Variants in IL12A observed in about 807,000 individuals in gnomAD.
The protein encoded by IL12A is interleukin 12A, also known as interleukin-12 subunit alpha.
A neutral mutation model predicts 23.5 loss-of-function variants in IL12A; 16 were observed. The ratio of observed to expected loss-of-function variants is 0.68; its 90% confidence interval spans 0.46 to 1.03. IL12A has a LOEUF of 1.03. IL12A is among the 50% of genes least tolerant of loss of function. IL12A has a pLI of 0.00. For missense variants in IL12A, 275 were observed against 307.0 expected, an observed-to-expected ratio of 0.90 and a Z score of 0.78; for synonymous variants, 106 against 111.5, an observed-to-expected ratio of 0.95 and a Z score of 0.31.
intron 1 of IL12A, 85 bp from the exon 2 acceptor site, chr3:159,990,082 G>T: frequency 7.2e-7 from 1 of 1,394,226 alleles, no homozygotes. Flanking sequence ...ATGAATGGAT[G>T]GGTGAAGGTG....
At chr3:159,990,386 G>A (rs1720260176) in intron 2 of IL12A, 74 bp downstream of exon 2, 1 of 1,447,254 alleles carries the variant, frequency 6.9e-7, no homozygotes, top group Admixed American at 1.9e-5. Context: ...CTCCCCTCTG[G>A]TACCTGATGG....
rs966445174 is a variant in IL12A at position 159,989,144 on chromosome 3, C to T, written c.88C>T (p.Gln30Ter). 6.2e-7 allele frequency: 1 copy of T among 1,612,104 alleles called. No homozygotes were observed. Among genetic ancestry groups the T allele is most frequent in the Non-Finnish European group, 8.5e-7 (1 of 1,179,562 alleles). Reference sequence around the variant, plus strand: ...TCCAGCGGCTCGCCCTGTGTCCCTGCAGTGCCGGCTCAGCATGTGTCCAGC... The same window carrying T: ...TCCAGCGGCTCGCCCTGTGTCCCTGTAGTGCCGGCTCAGCATGTGTCCAGC... Residue 30 changes from glutamine to a stop codon, truncating the protein, a stop_gained, in exon 1 of 7, where the codon CAG becomes TAG. An upstream open reading frame in the 5' UTR gains an earlier in-frame stop. Coordinates refer to ENST00000305579, the MANE Select transcript of IL12A (RefSeq NM_000882.4). LOFTEE classifies it high-confidence loss of function.
chr3:159,989,231 T>G, intron 1 of IL12A, 57 bp downstream of exon 1: 2 of 1,339,844 alleles, frequency 1.5e-6, no homozygotes, highest in Non-Finnish European at 2.1e-6. Context: ...GGCGGCTGCT[T>G]GGGAAGAGTG....
In IL12A at chr3:159,990,318, C is replaced by A; in HGVS notation, c.264+6C>A. ...TCAGCAACATGCTCCAGAAGGTGAG[C>A]CTTTCCTGTCCTCTCCACTGTGGAC... is the stretch of plus-strand genomic sequence containing the variant. On this transcript the variant is annotated splice_donor_region_variant and intron_variant, in intron 2 of 6. Coordinates refer to ENST00000305579, the MANE Select transcript of IL12A (RefSeq NM_000882.4). 1 of 1,613,860 alleles carries A rather than the reference C, an allele frequency of 6.2e-7. No homozygotes were observed. The highest frequency in any genetic ancestry group is 1.1e-5 in the South Asian group (1 of 91,028).
At position 159,989,134 on chromosome 3, in the gene IL12A, T is replaced by A. The variant is rs144529637; in HGVS notation, c.78T>A (p.Pro26=). ...CAGGTCTGCATCCAGCGGCTCGCCCTGTGTCCCTGCAGTGCCGGCTCAGCA... is the reference window on the plus strand; with the variant it reads ...CAGGTCTGCATCCAGCGGCTCGCCCAGTGTCCCTGCAGTGCCGGCTCAGCA... The change falls in exon 1 of 7, where the codon CCT becomes CCA. Residue 26 remains proline, a synonymous_variant. Transcript: ENST00000305579. The A allele has an allele frequency of 8.7e-6, 14 of 1,611,972 alleles. No individual in the cohort carries two copies. Among genetic ancestry groups the A allele is most frequent in the East Asian group, 4.5e-5 (2 of 44,814 alleles).
At chr3:159,994,197 T>C (rs1720415999) in intron 6 of IL12A, 1 of 194,368 alleles carries the variant, frequency 5.1e-6, no homozygotes, top group African/African-American at 2.3e-5. Context: ...CCTCTTAAAA[T>C]CCTTCAAGAG....
chr3:159,993,013 CCAGA>C lies in IL12A; in HGVS notation c.269_272del (p.Arg90LysfsTer3), dbSNP rs1720370456. The C allele has an allele frequency of 2.6e-6, 4 of 1,553,756 alleles. No individual in the cohort carries two copies. The highest frequency in any genetic ancestry group is 3.6e-6 in the Non-Finnish European group (4 of 1,126,432). On this transcript the variant is annotated frameshift_variant and splice_region_variant, in exon 3 of 7. Coordinates refer to ENST00000305579, the MANE Select transcript of IL12A (RefSeq NM_000882.4). LOFTEE classifies it high-confidence loss of function. Reference sequence around the variant, plus strand: ...GAGTTTCTCCTTCATTTTTTATAGGCCAGACAAACTCTAGAATTTTACCCTTGCA... The same window carrying C: ...GAGTTTCTCCTTCATTTTTTATAGGCCAAACTCTAGAATTTTACCCTTGCA...
intron 6 of IL12A, among the ~76,000 whole-genome samples, chr3:159,994,582 G>A (rs1720431778): frequency 8.9e-6 from 1 of 112,146 alleles, no homozygotes; most frequent in Admixed American, 8.7e-5. Context: ...TTCTTTTCGT[G>A]TGTGTGTGTG....
rs375410584 is a variant in IL12A at position 159,988,962 on chromosome 3, C to A, written c.-95C>A. On this transcript the variant is annotated 5_prime_UTR_variant, in exon 1 of 7. Transcript: ENST00000305579. ...GGGCCGGCCGCACCGCACGTGTCAC[C>A]GAGAAGCTGATGTAGAGAGAGACAC... 2.8e-6 allele frequency: 3 copies of A among 1,068,574 alleles called. No homozygotes were observed. The highest frequency in any genetic ancestry group is 2.8e-6 in the Non-Finnish European group (2 of 701,906). 66.2% of individuals were successfully genotyped at this position (1,068,574 alleles called of 1,614,324 possible).
At chr3:159,989,643 T>C (rs1403512897) in intron 1 of IL12A, among the ~76,000 whole-genome samples, 1 of 152,028 alleles carries the variant, frequency 6.6e-6, no homozygotes, top group Non-Finnish European at 1.5e-5. Context: ...ATTAGCCGAG[T>C]GTGGTGGTGG....
intron 1 of IL12A, 157 bp downstream of exon 1, chr3:159,989,331 C>A: frequency 1.6e-6 from 1 of 627,770 alleles, no homozygotes; most frequent in Non-Finnish European, 2.8e-6. Flanking sequence ...TCACCGTGTG[C>A]TAAATAGGGC....
chr3:159,989,635 T>C (rs1337178781), intron 1 of IL12A, among the ~76,000 whole-genome samples: 1 of 152,062 alleles, frequency 6.6e-6, no homozygotes, highest in Admixed American at 6.5e-5. Flanking sequence ...ATACACAAAT[T>C]AGCCGAGTGT....
At chr3:159,994,860 T>G (rs909531114) in intron 6 of IL12A, among the ~76,000 whole-genome samples, 1 of 152,178 alleles carries the variant, frequency 6.6e-6, no homozygotes, top group Non-Finnish European at 1.5e-5. Context: ...AGACTTTTTG[T>G]GAGGAAGATA....
Position 159,988,952 on chromosome 3 carries a change from C to T in IL12A, c.-105C>T. 1.0e-6 allele frequency: 1 copy of T among 980,968 alleles called. No individual in the cohort carries two copies. Among genetic ancestry groups the T allele is most frequent in the South Asian group, 1.4e-5 (1 of 73,832 alleles). 60.8% of individuals were successfully genotyped at this position (980,968 alleles called of 1,614,324 possible). A position where few individuals can be genotyped will look rare whatever the true frequency, so the allele number is the denominator to read the frequency against. On this transcript the variant is annotated 5_prime_UTR_variant, in exon 1 of 7. Transcript: ENST00000305579. ...CAAGCCCCGCGGGCCGGCCGCACCGCACGTGTCACCGAGAAGCTGATGTAG... is the reference window on the plus strand; with the variant it reads ...CAAGCCCCGCGGGCCGGCCGCACCGTACGTGTCACCGAGAAGCTGATGTAG...
At chr3:159,989,281 C>T in intron 1 of IL12A, 107 bp downstream of exon 1, 2 of 811,782 alleles carry the variant, frequency 2.5e-6, no homozygotes, top group South Asian at 3.0e-5. Flanking sequence ...ACTGGAACAG[C>T]AGCAGCCGTC....
rs372252038 is a variant in IL12A, at chr3:159,993,121, C to T, written c.374C>T (p.Thr125Ile). ...GAGGCCTGTTTACCATTGGAATTAA[C>T]CAAGGTATAAAGGATTTTCCTCCCA... Residue 125 changes from threonine to isoleucine, a missense_variant, in exon 3 of 7, where the codon ACC becomes ATC. By Grantham distance (89) the Thr-to-Ile change is moderately conservative (BLOSUM62 -1). Coordinates refer to ENST00000305579, the MANE Select transcript of IL12A (RefSeq NM_000882.4). 5 of 1,523,176 alleles carry T rather than the reference C, an allele frequency of 3.3e-6. No homozygotes were observed. The African/African-American group carries it at 5.5e-5, about 17-fold the overall frequency. The allele number at this position is 1,523,176 out of a possible 1,614,324, so 94.4% of individuals were successfully genotyped here. A position where few individuals can be genotyped will look rare whatever the true frequency, so the allele number is the denominator to read the frequency against.
chr3:159,990,393 A>G (rs1386876895), intron 2 of IL12A, 81 bp downstream of exon 2: 10 of 1,392,696 alleles, frequency 7.2e-6, no homozygotes, highest in Admixed American at 2.0e-5. Flanking sequence ...CTGGTACCTG[A>G]TGGAACTGCA....
rs1345333161 is a variant in IL12A, at chr3:159,993,757, G to C, written c.519G>C (p.Lys173Asn). The change falls in exon 6 of 7, where the codon AAG becomes AAC. Residue 173 changes from lysine (K) to asparagine (N), a missense_variant. Transcript: ENST00000305579. ...TGAAGATGTACCAGGTGGAGTTCAA[G>C]ACCATGAATGCAAAGCTTCTGATGG... The C allele has an allele frequency of 6.2e-7, 1 of 1,614,084 alleles. No individual in the cohort carries two copies. The highest frequency in any genetic ancestry group is 1.3e-5 in the African/African-American group (1 of 75,040).
At chr3:159,992,511 A>G (rs901327272) in intron 2 of IL12A, among the ~76,000 whole-genome samples, 3 of 152,234 alleles carry the variant, frequency 2.0e-5, no homozygotes, top group Admixed American at 1.3e-4. Context: ...CCAACACACT[A>G]AGATGACATC....
Sources: allele counts gnomAD v4.1 joint callset (sites outside exome capture counted in the v4.1 genomes callset), GRCh38; gene constraint gnomAD v4.1.1; transcripts MANE v1.5; gene names NCBI Gene and HGNC (gene_info 2026-07-23, HGNC 2026-07-21).